Variants in CMKLR2 observed in about 807,000 individuals in gnomAD.
CMKLR2 encodes chemerin-like receptor 2.
In CMKLR2, 18 loss-of-function variants were observed where a neutral mutation model predicts 23.0. The observed-to-expected ratio is 0.78, with a 90% CI of 0.54 to 1.16. The LOEUF is 1.16. Among genes scored for constraint, CMKLR2 ranks in the 50% most tolerant of loss-of-function variants. The pLI is 0.00. For missense variants in CMKLR2, 401 were observed against 412.7 expected (o/e 0.97, Z 0.25); for synonymous variants, 158 against 158.9 (o/e 0.99, Z 0.05).
At chr2:206,210,098 G>A (rs944205074) in intron 1 of CMKLR2, among the ~76,000 whole-genome samples, 27 of 151,928 alleles carry the variant, frequency 1.8e-4, no homozygotes, top group African/African-American at 6.5e-4. Flanking sequence ...CAAGTAGCTG[G>A]GACTACAGGT....
chr2:206,214,046 G>T (rs1239310378), upstream of CMKLR2, among the ~76,000 whole-genome samples: 1 of 151,776 alleles, frequency 6.6e-6, no homozygotes, highest in African/African-American at 2.4e-5. Context: ...TAGATACGGG[G>T]TTTCACCACG....
chr2:206,209,940 G>T (rs190800240), intron 1 of CMKLR2, among the ~76,000 whole-genome samples: 2 of 150,106 alleles, frequency 1.3e-5, no homozygotes, highest in South Asian at 2.1e-4. Flanking sequence ...GAGCCACTGC[G>T]CCCGGCCCTT....
At chr2:206,180,804 G>T (rs1488626006) in intron 1 of CMKLR2, among the ~76,000 whole-genome samples, 3 of 148,812 alleles carry the variant, frequency 2.0e-5, no homozygotes, top group Non-Finnish European at 4.4e-5. Flanking sequence ...GCCCAAGCTG[G>T]AGTGCAGTGG....
At chr2:206,215,520 G>A (rs377420495), upstream of CMKLR2, among the ~76,000 whole-genome samples, 85 of 152,316 alleles carry the variant, frequency 5.6e-4, 1 homozygote, top group South Asian at 0.017. Flanking sequence ...TTTAAGCACA[G>A]TACACACTGA....
rs574734973 is a variant in CMKLR2, at chr2:206,188,040, C to A, written c.-28-10765G>T. Among the ~76,000 whole-genome samples, 3 of 152,226 alleles carry A rather than the reference C, an allele frequency of 2.0e-5. No individual in the cohort carries two copies. In the South Asian group the frequency reaches 6.2e-4, roughly 32 times the overall value. On this transcript the variant is annotated intron_variant, in intron 1 of 1. Transcript: ENST00000621141. The stretch of plus-strand genomic sequence containing the variant: ...AATCAAGTATGAAAAATCAAGTGCT[C>A]TTTGTGCCTCAGCCTCCCAAGTAGC...
At chr2:206,194,314 G>A (rs1688847400) in intron 1 of CMKLR2, among the ~76,000 whole-genome samples, 1 of 152,056 alleles carries the variant, frequency 6.6e-6, no homozygotes, top group Admixed American at 6.6e-5. Context: ...TCTCCTAGGA[G>A]GAGATACAAA....
chr2:206,180,939 G>C (rs1046792863), intron 1 of CMKLR2, among the ~76,000 whole-genome samples: 1 of 151,620 alleles, frequency 6.6e-6, no homozygotes, highest in Non-Finnish European at 1.5e-5. Flanking sequence ...ATTTATAGTA[G>C]AGATGGTGTT....
chr2:206,176,049 T>C lies in CMKLR2; in HGVS notation c.*131A>G, dbSNP rs1688194655. Reference sequence around the variant, plus strand: ...CATATCCACACAAAAATGTGATGCCTATATAGTGACCAGAAACAATAACTA... The same window carrying C: ...CATATCCACACAAAAATGTGATGCCCATATAGTGACCAGAAACAATAACTA... On this transcript the variant is annotated 3_prime_UTR_variant, in exon 2 of 2. Transcript: ENST00000621141. 1.5e-6 allele frequency: 1 copy of C among 657,764 alleles called. No individual in the cohort carries two copies. The highest frequency in any genetic ancestry group is 1.8e-5 in the African/African-American group (1 of 55,110). 40.7% of individuals were successfully genotyped at this position (657,764 alleles called of 1,614,324 possible). A position where few individuals can be genotyped will look rare whatever the true frequency, so the allele number is the denominator to read the frequency against.
intron 1 of CMKLR2, among the ~76,000 whole-genome samples, chr2:206,196,874 A>T (rs1356517232): frequency 6.6e-6 from 1 of 152,120 alleles, no homozygotes; most frequent in East Asian, 1.9e-4. Flanking sequence ...ATTCTGAGGA[A>T]TAAATGAAGA....
chr2:206,184,300 C>CTTTT (rs752263495), intron 1 of CMKLR2, among the ~76,000 whole-genome samples: 20 of 142,486 alleles, frequency 1.4e-4, no homozygotes, highest in Admixed American at 2.9e-4. Context: ...CTCTCTCTCT[C>CTTTT]TTTTTTTTTT....
At chr2:206,214,631 TA>T (rs1203815236), upstream of CMKLR2, among the ~76,000 whole-genome samples, 24 of 151,864 alleles carry the variant, frequency 1.6e-4, no homozygotes, top group South Asian at 6.2e-4. Context: ...TTTTTATTAT[TA>T]TTTTTTTTTG....
At chr2:206,210,758 G>A (rs1321708050) in intron 1 of CMKLR2, among the ~76,000 whole-genome samples, 1 of 152,124 alleles carries the variant, frequency 6.6e-6, no homozygotes. Context: ...ACCGTGCCCG[G>A]CCTGCAAATA....
chr2:206,208,753 C>T (rs1689430896), intron 1 of CMKLR2, among the ~76,000 whole-genome samples: 1 of 151,916 alleles, frequency 6.6e-6, no homozygotes, highest in Admixed American at 6.6e-5. Flanking sequence ...AATCCTCCTG[C>T]CTCAGCTTCC....
intron 1 of CMKLR2, among the ~76,000 whole-genome samples, chr2:206,204,313 C>T (rs945826432): frequency 3.5e-5 from 5 of 142,274 alleles, no homozygotes; most frequent in African/African-American, 1.1e-4. Flanking sequence ...GAGATCGCAC[C>T]ACTGCACTCC....
chr2:206,176,279 G>T lies in CMKLR2; in HGVS notation c.969C>A (p.Leu323=). ...ARFRSSVAEI[L]KYTLWEVSCS... is the part of the protein sequence containing the mutation. ...AGCTGACTTCCCACAGTGTGTACTT[G>T]AGTATCTCAGCAACTGAGGACCGGA... The change falls in exon 2 of 2, where the codon CTC becomes CTA. Residue 323 remains leucine, a synonymous_variant. Coordinates refer to ENST00000621141, the MANE Select transcript of CMKLR2 (RefSeq NM_001389445.1). 2 of 1,614,146 alleles carry T rather than the reference G, an allele frequency of 1.2e-6. No individual in the cohort carries two copies. The highest frequency in any genetic ancestry group is 1.7e-6 in the Non-Finnish European group (2 of 1,180,016).
At chr2:206,179,156 A>C (rs1688327817) in intron 1 of CMKLR2, among the ~76,000 whole-genome samples, 1 of 120,914 alleles carries the variant, frequency 8.3e-6, no homozygotes, top group South Asian at 2.7e-4. Context: ...GCTCACCTCA[A>C]CCTCACCTCC....
At chr2:206,213,425 G>T (rs1182392833), upstream of CMKLR2, 2 of 152,196 alleles carry the variant, frequency 1.3e-5, no homozygotes, top group Admixed American at 1.3e-4. Flanking sequence ...CTTTTATCTG[G>T]CTTTTGAAAT....
At chr2:206,199,972 A>G (rs1207014648) in intron 1 of CMKLR2, among the ~76,000 whole-genome samples, 3 of 152,192 alleles carry the variant, frequency 2.0e-5, no homozygotes, top group African/African-American at 7.2e-5. Context: ...GACATATTGT[A>G]AATTGCTTCT....
At chr2:206,199,719 C>T (rs563321447) in intron 1 of CMKLR2, among the ~76,000 whole-genome samples, 150 of 152,008 alleles carry the variant, frequency 9.9e-4, no homozygotes, top group African/African-American at 3.4e-3. Flanking sequence ...CCTCACCCTC[C>T]CAAGTAGCCA....
Sources: allele counts gnomAD v4.1 joint callset (sites outside exome capture counted in the v4.1 genomes callset), GRCh38; gene constraint gnomAD v4.1.1; transcripts MANE v1.5; gene names NCBI Gene and HGNC (gene_info 2026-07-23, HGNC 2026-07-21).